RPAP2: variants seen among roughly 807,000 people sequenced by gnomAD.
RPAP2 encodes the protein RNA polymerase II associated protein 2, also known as putative RNA polymerase II subunit B1 CTD phosphatase RPAP2.
Under a neutral mutation model 73.1 loss-of-function variants are expected in RPAP2, and 52 were observed. The observed-to-expected ratio is 0.71, with a 90% CI of 0.57 to 0.90. The LOEUF (loss-of-function observed/expected upper bound fraction) is 0.90. Ranked by LOEUF, RPAP2 falls within the 40% of genes least tolerant of loss-of-function variation. The pLI is 0.00. For missense variants in RPAP2, 598 were observed against 701.8 expected (o/e 0.85, Z 1.67); for synonymous variants, 225 against 242.1 (o/e 0.93, Z 0.65).
intron 2 of RPAP2, 84 bp downstream of exon 2, chr1:92,300,323 CTT>C (rs565648906): frequency 2.2e-4 from 179 of 829,834 alleles, no homozygotes; most frequent in South Asian, 4.0e-4. Flanking sequence ...TAATGGTTAC[CTT>C]TTTTTTTTTA....
At chr1:92,377,750 G>A (rs1202145263) in intron 11 of RPAP2, among the ~76,000 whole-genome samples, 1 of 152,102 alleles carries the variant, frequency 6.6e-6, no homozygotes, top group Non-Finnish European at 1.5e-5. Flanking sequence ...GTGGGATTAT[G>A]TCCTTGCTCT....
intron 6 of RPAP2, among the ~76,000 whole-genome samples, chr1:92,312,823 TC>T (rs1651674791): frequency 2.0e-5 from 3 of 151,926 alleles, no homozygotes; most frequent in South Asian, 4.2e-4. Flanking sequence ...TTTTTTTTTT[TC>T]CTTTTTTCTT....
At chr1:92,299,869 A>T (rs1392069481) in intron 1 of RPAP2, among the ~76,000 whole-genome samples, 1 of 152,154 alleles carries the variant, frequency 6.6e-6, no homozygotes, top group Non-Finnish European at 1.5e-5. Context: ...TACTGCCACC[A>T]TGTGTAGCTT....
chr1:92,340,610 C>T (rs748826681), intron 10 of RPAP2, among the ~76,000 whole-genome samples: 6 of 152,142 alleles, frequency 3.9e-5, no homozygotes, highest in East Asian at 1.9e-4. Context: ...GAGTTTCATT[C>T]GGCTAGGGTT....
At chr1:92,325,381 A>G (rs912642036) in intron 8 of RPAP2, among the ~76,000 whole-genome samples, 22 of 152,106 alleles carry the variant, frequency 1.4e-4, no homozygotes, top group Admixed American at 3.9e-4. Context: ...CCCTACTTCA[A>G]ATCATTTCAA....
chr1:92,309,485 A>G (rs543062104), intron 6 of RPAP2, among the ~76,000 whole-genome samples: 10 of 152,236 alleles, frequency 6.6e-5, no homozygotes, highest in Non-Finnish European at 1.0e-4. Context: ...AAATGAATCA[A>G]CTTAATTTAC....
chr1:92,358,255 C>T (rs573913526), intron 11 of RPAP2, among the ~76,000 whole-genome samples: 1 of 152,272 alleles, frequency 6.6e-6, no homozygotes, highest in East Asian at 1.9e-4. Context: ...ACCATCCTAC[C>T]TTGTTCTCCC....
intron 11 of RPAP2, among the ~76,000 whole-genome samples, chr1:92,352,733 C>T (rs972082352): frequency 6.6e-6 from 1 of 152,046 alleles, no homozygotes; most frequent in African/African-American, 2.4e-5. Context: ...TTAAAATATA[C>T]AAAATATACA....
In RPAP2 at chr1:92,345,397, AAAAAG is replaced by A. The variant is rs1398881926; in HGVS notation, c.1620-447_1620-443del. ...GTTTCTTTAAAAAAAAAAAAAAAAA[AAAAAG>A]AGAGAGAGAGAAGAAAGAAAGAGAG... is the stretch of plus-strand genomic sequence containing the variant. On this transcript the variant is annotated intron_variant, in intron 10 of 12. Transcript: ENST00000610020. Among the ~76,000 whole-genome samples, 48 of 146,870 alleles carry A rather than the reference AAAAAG, an allele frequency of 3.3e-4. 1 individual carries two copies. The highest frequency in any genetic ancestry group is 6.4e-4 in the Non-Finnish European group (42 of 66,074).
intron 1 of RPAP2, 55 bp downstream of exon 1, chr1:92,299,201 C>T (rs1375543927): frequency 8.6e-7 from 1 of 1,159,532 alleles, no homozygotes; most frequent in Non-Finnish European, 1.2e-6. Flanking sequence ...GCCCCGATCT[C>T]GAGTTATAGA....
intron 11 of RPAP2, among the ~76,000 whole-genome samples, chr1:92,377,509 T>C (rs1655431071): frequency 1.0e-5 from 1 of 95,640 alleles, no homozygotes; most frequent in Non-Finnish European, 1.9e-5. Context: ...AGAGCGAAAC[T>C]TTGTCTCAAA....
chr1:92,312,444 T>C (rs929384768), intron 6 of RPAP2, among the ~76,000 whole-genome samples: 2 of 151,798 alleles, frequency 1.3e-5, no homozygotes, highest in African/African-American at 2.4e-5. Flanking sequence ...TTGAAGTCAG[T>C]CCTCTCAAAC....
At chr1:92,369,380 C>T (rs1655055112) in intron 11 of RPAP2, among the ~76,000 whole-genome samples, 1 of 152,172 alleles carries the variant, frequency 6.6e-6, no homozygotes, top group African/African-American at 2.4e-5. Context: ...TAAACTTGAA[C>T]TCCTGGGGTC....
intron 12 of RPAP2, among the ~76,000 whole-genome samples, chr1:92,386,321 T>TTCAGTAGG (rs1655862241): frequency 1.3e-5 from 2 of 152,190 alleles, no homozygotes; most frequent in Non-Finnish European, 2.9e-5. Flanking sequence ...GGCAAAAATG[T>TTCAGTAGG]TCAGTAGGCT....
chr1:92,352,198 A>G (rs1209464164), intron 11 of RPAP2, among the ~76,000 whole-genome samples: 1 of 152,224 alleles, frequency 6.6e-6, no homozygotes. Flanking sequence ...TCCTAGGCAG[A>G]GACCATACAA....
At position 92,323,760 on chromosome 1, in the gene RPAP2, T is replaced by A; in HGVS notation, c.840T>A (p.Asp280Glu). Residue 280 changes from aspartate to glutamate, a missense_variant, in exon 8 of 13, where the codon GAT becomes GAA. Transcript: ENST00000610020. ...VTEQLGDCKLDSQEKDATCEL... is the reference protein window; with the variant it reads ...VTEQLGDCKLESQEKDATCEL... ...AGCAGTTAGGCGATTGCAAATTAGATAGTCAGGAGAAAGATGCTACATGTG... is the reference window on the plus strand; with the variant it reads ...AGCAGTTAGGCGATTGCAAATTAGAAAGTCAGGAGAAAGATGCTACATGTG... 6.2e-7 allele frequency: 1 copy of A among 1,614,068 alleles called. No homozygotes were observed. Among genetic ancestry groups the A allele is most frequent in the Non-Finnish European group, 8.5e-7 (1 of 1,179,984 alleles).
chr1:92,372,986 C>T (rs2101427793), intron 11 of RPAP2, among the ~76,000 whole-genome samples: 1 of 152,298 alleles, frequency 6.6e-6, no homozygotes, highest in East Asian at 1.9e-4. Context: ...AAATAATTGT[C>T]CTCTTAAACT....
In RPAP2 at chr1:92,323,777, C is replaced by A. The variant is rs760484159; in HGVS notation, c.857C>A (p.Ala286Asp). 6.2e-7 allele frequency: 1 copy of A among 1,614,018 alleles called. No homozygotes were observed. The highest frequency in any genetic ancestry group is 1.1e-5 in the South Asian group (1 of 91,080). The change falls in exon 8 of 13, where the codon GCT becomes GAT. Residue 286 changes from alanine (A) to aspartate (D), a missense_variant. By Grantham distance (126) the Ala-to-Asp change is moderately radical. Transcript: ENST00000610020. ...DCKLDSQEKD[A>D]TCELPLQKVN... ...AAATTAGATAGTCAGGAGAAAGATG[C>A]TACATGTGAACTTCCTTTACAGAAA... is the stretch of plus-strand genomic sequence containing the variant.
chr1:92,379,913 A>G (rs1005918840), intron 11 of RPAP2, among the ~76,000 whole-genome samples: 1 of 151,004 alleles, frequency 6.6e-6, no homozygotes, highest in African/African-American at 2.4e-5. Flanking sequence ...TGGGTGACAG[A>G]GCAAGACTCC....
Sources: gnomAD v4.1 joint callset for allele counts (sites outside exome capture counted in the v4.1 genomes callset) on GRCh38, gnomAD v4.1.1 for gene constraint, MANE v1.5 for transcripts, NCBI Gene and HGNC (gene_info 2026-07-23, HGNC 2026-07-21) for gene names.